The following ADGRB3 variants were observed in gnomAD, a reference collection of about 807,000 sequenced individuals.
The protein encoded by ADGRB3 is adhesion G protein-coupled receptor B3.
Under a neutral mutation model 193.4 loss-of-function variants are expected in ADGRB3, and 37 were observed. The ratio of observed to expected loss-of-function variants is 0.19; its 90% CI spans 0.15 to 0.25. The LOEUF is 0.25. Among genes scored for constraint, ADGRB3 ranks in the 10% least tolerant of loss-of-function variants. ADGRB3 has a pLI of 1.00. For synonymous variants in ADGRB3, 690 were observed against 644.2 expected (o/e 1.07, Z -1.08); for missense variants, 1,637 against 1,852.9 (o/e 0.88, Z 2.14).
chr6:69,059,547 G>A (rs72901517), intron 15 of ADGRB3, among the ~76,000 whole-genome samples: 30,770 of 151,994 alleles, frequency 0.2, 3,375 homozygotes, highest in Middle Eastern at 0.28. Flanking sequence ...AAATCTCAAG[G>A]ACAGAAAATA....
intron 17 of ADGRB3, among the ~76,000 whole-genome samples, chr6:69,175,697 G>A (rs779334263): frequency 4.6e-5 from 7 of 152,090 alleles, no homozygotes; most frequent in Non-Finnish European, 8.8e-5. Flanking sequence ...ACCTTGATAG[G>A]AATATCATTG....
intron 3 of ADGRB3, among the ~76,000 whole-genome samples, chr6:68,864,663 C>T (rs890924798): frequency 2.0e-5 from 3 of 152,218 alleles, no homozygotes; most frequent in African/African-American, 7.2e-5. Context: ...CTAATTGATA[C>T]TAATTACTAC....
intron 3 of ADGRB3, among the ~76,000 whole-genome samples, chr6:68,841,471 A>T (rs1265387102): frequency 6.6e-6 from 1 of 152,182 alleles, no homozygotes; most frequent in Non-Finnish European, 1.5e-5. Context: ...CAAACTATAC[A>T]AGCTCATGGA....
intron 20 of ADGRB3, among the ~76,000 whole-genome samples, chr6:69,284,666 A>AT (rs1298267346): frequency 6.6e-6 from 1 of 152,106 alleles, no homozygotes. Flanking sequence ...TTTAACCTAA[A>AT]AAAAACCTTG....
chr6:68,822,886 T>A (rs1377612167), intron 3 of ADGRB3, among the ~76,000 whole-genome samples: 1 of 152,114 alleles, frequency 6.6e-6, no homozygotes, highest in African/African-American at 2.4e-5. Flanking sequence ...TGGAAGAATA[T>A]TTTCCTTTTA....
chr6:69,048,059 C>T (rs1288114624), intron 13 of ADGRB3, 126 bp from the exon 14 acceptor site: 5 of 1,012,790 alleles, frequency 4.9e-6, no homozygotes, highest in Non-Finnish European at 7.2e-6. Flanking sequence ...TATTTTGTTG[C>T]TCTGATAAAT....
At chr6:69,144,238 T>C (rs777370727) in intron 17 of ADGRB3, among the ~76,000 whole-genome samples, 3 of 152,226 alleles carry the variant, frequency 2.0e-5, no homozygotes, top group South Asian at 2.1e-4. Flanking sequence ...CTGATTGTTG[T>C]ATGTTGATTT....
intron 17 of ADGRB3, among the ~76,000 whole-genome samples, chr6:69,187,271 A>C (rs2150353531): frequency 6.6e-6 from 1 of 152,294 alleles, no homozygotes; most frequent in Non-Finnish European, 1.5e-5. Flanking sequence ...AATGTGAAAA[A>C]TAACATATTT....
intron 3 of ADGRB3, among the ~76,000 whole-genome samples, chr6:68,657,419 A>T (rs189886875): frequency 1.3e-5 from 2 of 151,440 alleles, no homozygotes; most frequent in Non-Finnish European, 3.0e-5. Context: ...ATCAGTAAAA[A>T]TTTTTAAACA....
intron 11 of ADGRB3, among the ~76,000 whole-genome samples, chr6:69,004,348 T>G (rs1769676332): frequency 6.6e-6 from 1 of 152,080 alleles, no homozygotes; most frequent in Non-Finnish European, 1.5e-5. Flanking sequence ...CACATGGTCT[T>G]TTTCTCTACA....
chr6:68,830,481 T>A (rs1279639471), intron 3 of ADGRB3, among the ~76,000 whole-genome samples: 3 of 152,216 alleles, frequency 2.0e-5, no homozygotes, highest in African/African-American at 7.2e-5. Flanking sequence ...TTGGCAATAA[T>A]GTTTTTTAGT....
chr6:69,083,787 T>G (rs867128696), intron 17 of ADGRB3, among the ~76,000 whole-genome samples: 1 of 149,936 alleles, frequency 6.7e-6, no homozygotes. Context: ...TTTTTTTTTT[T>G]TTTTTGAGAC....
chr6:69,294,821 G>A (rs1368225108), intron 20 of ADGRB3, among the ~76,000 whole-genome samples: 1 of 152,078 alleles, frequency 6.6e-6, no homozygotes, highest in East Asian at 1.9e-4. Flanking sequence ...ACATATATCT[G>A]AATACCAATC....
At chr6:68,813,567 T>A (rs74944217) in intron 3 of ADGRB3, among the ~76,000 whole-genome samples, 3 of 121,284 alleles carry the variant, frequency 2.5e-5, no homozygotes, top group Non-Finnish European at 5.9e-5. Context: ...AATGGAATGC[T>A]TTTTTTTTTT....
In ADGRB3 at chr6:69,278,513, A is replaced by G. The variant is rs575573879; in HGVS notation, c.2814+39287A>G. On this transcript the variant is annotated intron_variant, in intron 20 of 31. Coordinates refer to ENST00000370598, the MANE Select transcript of ADGRB3 (RefSeq NM_001704.3). Reference sequence around the variant, plus strand: ...GTTTATGATATTTTCATCTCTTCATATTGCCCAATGTGTATTTTTATGAAT... The same window carrying G: ...GTTTATGATATTTTCATCTCTTCATGTTGCCCAATGTGTATTTTTATGAAT... Among the ~76,000 whole-genome samples the G allele has an allele frequency of 5.3e-5, 8 of 152,242 alleles. 1 individual carries two copies. In the South Asian group the frequency reaches 8.3e-4, roughly 16 times the overall value.
intron 20 of ADGRB3, among the ~76,000 whole-genome samples, chr6:69,275,621 C>T (rs9294825): frequency 0.38 from 56,930 of 151,340 alleles, 11,046 homozygotes; most frequent in Middle Eastern, 0.46. Flanking sequence ...GCAAAAAAGT[C>T]TCCTATAAAA....
At chr6:69,043,567 G>T (rs552259823) in intron 13 of ADGRB3, among the ~76,000 whole-genome samples, 1 of 152,250 alleles carries the variant, frequency 6.6e-6, no homozygotes, top group Non-Finnish European at 1.5e-5. Flanking sequence ...ACATACTGTG[G>T]GGTAGTTCTC....
intron 13 of ADGRB3, among the ~76,000 whole-genome samples, chr6:69,046,264 C>A (rs1032372576): frequency 6.6e-6 from 1 of 151,988 alleles, no homozygotes; most frequent in South Asian, 2.1e-4. Context: ...GTTTTTGGAG[C>A]AAAGAAGTGA....
intron 6 of ADGRB3, among the ~76,000 whole-genome samples, chr6:68,949,349 G>A (rs1215056791): frequency 6.6e-6 from 1 of 152,128 alleles, no homozygotes; most frequent in Admixed American, 6.5e-5. Context: ...CCAGAGGGAT[G>A]CTGCCATGTT....
Sources: allele counts gnomAD v4.1 joint callset (sites outside exome capture counted in the v4.1 genomes callset), GRCh38; gene constraint gnomAD v4.1.1; transcripts MANE v1.5; gene names NCBI Gene and HGNC (gene_info 2026-07-23, HGNC 2026-07-21).